AKAP19: variants seen among roughly 807,000 people sequenced by gnomAD.
The protein encoded by AKAP19 is A-kinase anchoring protein 19, also known as small A-kinase anchoring protein.
At chr2:190,091,068 C>T in the AKAP19 span, 3 of 152,290 alleles carry the variant, frequency 2.0e-5, no homozygotes, top group South Asian at 4.1e-4. Context: ...GAGTTGCTAA[C>T]ACATTAATAG....
At chr2:190,180,851 G>T in the AKAP19 span, 2 of 985,296 alleles carry the variant, frequency 2.0e-6, no homozygotes, top group Middle Eastern at 5.2e-4. This position sits in a 1 kb window ranked among gnomAD's most constrained non-coding sequence, Gnocchi z 6.8. Context: ...GCCGAAGGAC[G>T]CCCCGTCCTC....
the AKAP19 span, among the ~76,000 whole-genome samples, chr2:190,010,768 G>A: frequency 6.6e-5 from 10 of 152,002 alleles, no homozygotes; most frequent in South Asian, 8.3e-4. Context: ...AACTATAATC[G>A]TATATATTTC....
the AKAP19 span, among the ~76,000 whole-genome samples, chr2:190,067,768 C>T: frequency 6.6e-6 from 1 of 152,130 alleles, no homozygotes; most frequent in Non-Finnish European, 1.5e-5. Context: ...AGAATTAATT[C>T]AGGAAAACTT....
the AKAP19 span, among the ~76,000 whole-genome samples, chr2:189,955,911 C>T: frequency 6.6e-6 from 1 of 152,098 alleles, no homozygotes; most frequent in Non-Finnish European, 1.5e-5. Context: ...AGAAAATTAA[C>T]ATAAAACTGA....
the AKAP19 span, among the ~76,000 whole-genome samples, chr2:190,086,794 T>C: frequency 2.0e-4 from 30 of 152,332 alleles, no homozygotes; most frequent in South Asian, 4.8e-3. Context: ...TGAGACATGG[T>C]CTTCCCTCTG....
chr2:190,127,768 T>G, the AKAP19 span, among the ~76,000 whole-genome samples: 1 of 152,160 alleles, frequency 6.6e-6, no homozygotes, highest in African/African-American at 2.4e-5. Flanking sequence ...TATTTCTCCC[T>G]TCTCTGGCCA....
At chr2:190,004,071 C>A in the AKAP19 span, among the ~76,000 whole-genome samples, 1 of 147,842 alleles carries the variant, frequency 6.8e-6, no homozygotes, top group Admixed American at 6.7e-5. Flanking sequence ...TGGATTATTG[C>A]AATGACAATA....
chr2:190,125,625 A>G, the AKAP19 span, among the ~76,000 whole-genome samples: 1 of 152,172 alleles, frequency 6.6e-6, no homozygotes, highest in African/African-American at 2.4e-5. Flanking sequence ...TCCGTTTATG[A>G]AAAACAGTCC....
the AKAP19 span, among the ~76,000 whole-genome samples, chr2:190,177,408 C>T: frequency 2.0e-5 from 3 of 152,214 alleles, no homozygotes; most frequent in Admixed American, 2.0e-4. The surrounding 1 kb of genome is among the most constrained non-coding windows in gnomAD (Gnocchi z 4.6). Context: ...ACTTCATTAT[C>T]AGAAAACCAA....
At chr2:189,885,170 G>A in the AKAP19 span, among the ~76,000 whole-genome samples, 1 of 152,108 alleles carries the variant, frequency 6.6e-6, no homozygotes, top group Non-Finnish European at 1.5e-5. Context: ...CTCCACTCTC[G>A]AATCTGAGCT....
the AKAP19 span, among the ~76,000 whole-genome samples, chr2:190,188,211 G>A: frequency 1.3e-5 from 2 of 152,080 alleles, no homozygotes; most frequent in Non-Finnish European, 1.5e-5. Context: ...TTCTATGGGC[G>A]CAGGTTCTAA....
At chr2:189,998,507 G>A in the AKAP19 span, among the ~76,000 whole-genome samples, 1 of 152,006 alleles carries the variant, frequency 6.6e-6, no homozygotes, top group Non-Finnish European at 1.5e-5. Flanking sequence ...ATGTGTGCAG[G>A]AATTTGCCCA....
At chr2:190,026,870 T>C in the AKAP19 span, among the ~76,000 whole-genome samples, 1 of 152,158 alleles carries the variant, frequency 6.6e-6, no homozygotes, top group African/African-American at 2.4e-5. Flanking sequence ...GTATACTAAA[T>C]AAGAATTTCA....
chr2:189,916,330 T>TTC, the AKAP19 span, among the ~76,000 whole-genome samples: 10 of 4,376 alleles, frequency 2.3e-3, no homozygotes, highest in Non-Finnish European at 3.4e-3. Context: ...CTTTTTCTTC[T>TTC]TTTTTTTTTT....
the AKAP19 span, among the ~76,000 whole-genome samples, chr2:190,003,181 T>A: frequency 1.3e-5 from 2 of 152,176 alleles, no homozygotes; most frequent in Non-Finnish European, 2.9e-5. Flanking sequence ...GACCTCTTTT[T>A]AGTTTAAAAA....
At chr2:189,984,995 C>T in the AKAP19 span, among the ~76,000 whole-genome samples, 1 of 152,102 alleles carries the variant, frequency 6.6e-6, no homozygotes, top group African/African-American at 2.4e-5. Flanking sequence ...ACTCTCTGTC[C>T]TTGGGAAAAT....
chr2:190,048,083 T>C, the AKAP19 span, among the ~76,000 whole-genome samples: 1 of 152,210 alleles, frequency 6.6e-6, no homozygotes, highest in African/African-American at 2.4e-5. Flanking sequence ...TCAATCATCA[T>C]ACTGTTTTCG....
chr2:190,186,617 A>G, the AKAP19 span, among the ~76,000 whole-genome samples: 1 of 152,188 alleles, frequency 6.6e-6, no homozygotes, highest in Non-Finnish European at 1.5e-5. The surrounding 1 kb of genome is among the most constrained non-coding windows in gnomAD (Gnocchi z 5.5). Context: ...CTACATTTAA[A>G]TTATGTCCAT....
At chr2:190,036,700 G>C in the AKAP19 span, among the ~76,000 whole-genome samples, 92,502 of 151,916 alleles carry the variant, frequency 0.61, 32,594 homozygotes, top group East Asian at 0.85. Context: ...CTTTGGTATC[G>C]TGTAGAATAG....
Sources: allele counts gnomAD v4.1 joint callset (sites outside exome capture counted in the v4.1 genomes callset), GRCh38; gene constraint gnomAD v4.1.1; non-coding constraint Gnocchi (gnomAD v3.1); transcripts MANE v1.5; gene names NCBI Gene and HGNC (gene_info 2026-07-23, HGNC 2026-07-21).